Variants in NCOA1 observed in about 807,000 individuals in gnomAD.
NCOA1 encodes nuclear receptor coactivator 1.
Under a neutral mutation model 150.9 loss-of-function variants are expected in NCOA1, and 35 were observed. The observed-to-expected ratio is 0.23, with a 90% CI of 0.18 to 0.31. The LOEUF is 0.31. Among genes scored for constraint, NCOA1 ranks in the 10% least tolerant of loss-of-function variants. NCOA1 has a pLI of 1.00. For synonymous variants in NCOA1, 590 were observed against 630.0 expected, an observed-to-expected ratio of 0.94 and a Z score of 0.95; for missense variants, 1,491 against 1,749.3, an observed-to-expected ratio of 0.85 and a Z score of 2.63.
intron 4 of NCOA1, among the ~76,000 whole-genome samples, chr2:24,649,117 A>G (rs1355652181): frequency 6.6e-6 from 1 of 152,096 alleles, no homozygotes; most frequent in Non-Finnish European, 1.5e-5. Context: ...TTAAAAAGAG[A>G]CATAGTCTGT....
At chr2:24,627,493 A>G (rs1572510693) in intron 3 of NCOA1, among the ~76,000 whole-genome samples, 1 of 152,234 alleles carries the variant, frequency 6.6e-6, no homozygotes, top group Admixed American at 6.5e-5. Context: ...GTGGTAGAGT[A>G]GATAGAACCT....
chr2:24,748,836 T>C (rs1664074132), intron 19 of NCOA1, among the ~76,000 whole-genome samples: 1 of 152,152 alleles, frequency 6.6e-6, no homozygotes, highest in Admixed American at 6.5e-5. Flanking sequence ...CAAAGTGACA[T>C]CAAGGACATA....
intron 14 of NCOA1, among the ~76,000 whole-genome samples, chr2:24,723,462 G>A (rs1674457425): frequency 6.6e-6 from 1 of 152,140 alleles, no homozygotes; most frequent in Non-Finnish European, 1.5e-5. Context: ...GAATAGAATT[G>A]CTGGGTCAAA....
chr2:24,565,690 G>T (rs1666471974), intron 2 of NCOA1, among the ~76,000 whole-genome samples: 1 of 152,326 alleles, frequency 6.6e-6, no homozygotes, highest in East Asian at 1.9e-4. Flanking sequence ...CACACTACTG[G>T]CCTGGATCCC....
At chr2:24,621,252 C>T (rs1007379370) in intron 3 of NCOA1, among the ~76,000 whole-genome samples, 1 of 152,078 alleles carries the variant, frequency 6.6e-6, no homozygotes, top group Non-Finnish European at 1.5e-5. Flanking sequence ...AGTAACGGCA[C>T]TTCAGTCCTC....
intron 1 of NCOA1, among the ~76,000 whole-genome samples, chr2:24,537,691 T>G (rs1665218287): frequency 6.6e-6 from 1 of 152,098 alleles, no homozygotes; most frequent in African/African-American, 2.4e-5. Context: ...TTAATAAAGT[T>G]GTATTATGTT....
At position 24,769,582 on chromosome 2, in the gene NCOA1, A is replaced by C; in HGVS notation, c.*1191A>C. ...CTACTTGTACAGAGAAAAAATTAAT[A>C]CTCAAAGGAAATCTTCATTTTTTAG... On this transcript the variant is annotated 3_prime_UTR_variant, in exon 23 of 23. Transcript: ENST00000348332. The C allele has an allele frequency of 4.9e-6, 1 of 203,582 alleles. No individual in the cohort carries two copies. Among genetic ancestry groups the C allele is most frequent in the East Asian group, 7.6e-5 (1 of 13,158 alleles). 12.6% of individuals were successfully genotyped at this position (203,582 alleles called of 1,614,324 possible). A position where few individuals can be genotyped will look rare whatever the true frequency, so the allele number is the denominator to read the frequency against.
intron 3 of NCOA1, among the ~76,000 whole-genome samples, chr2:24,624,140 G>C (rs978188078): frequency 2.0e-5 from 3 of 152,110 alleles, no homozygotes; most frequent in Admixed American, 6.5e-5. Context: ...TGTATTCTTG[G>C]TTATTTTCTT....
At chr2:24,747,553 T>A (rs576467796) in intron 19 of NCOA1, among the ~76,000 whole-genome samples, 2 of 152,132 alleles carry the variant, frequency 1.3e-5, no homozygotes, top group Admixed American at 1.3e-4. Context: ...GGTCTCAAAC[T>A]CCTGGCCTTA....
At chr2:24,626,515 G>T (rs1669416763) in intron 3 of NCOA1, among the ~76,000 whole-genome samples, 1 of 152,214 alleles carries the variant, frequency 6.6e-6, no homozygotes, top group East Asian at 1.9e-4. Flanking sequence ...GACTGAAGCA[G>T]TTCTAAGAAC....
intron 6 of NCOA1, among the ~76,000 whole-genome samples, chr2:24,668,014 G>A (rs1006669506): frequency 1.7e-4 from 26 of 152,142 alleles, no homozygotes; most frequent in Admixed American, 8.5e-4. Flanking sequence ...GAGGGCAAGC[G>A]ATTTTGTTTG....
intron 3 of NCOA1, among the ~76,000 whole-genome samples, chr2:24,600,156 A>G (rs1405391418): frequency 6.6e-6 from 1 of 152,098 alleles, no homozygotes; most frequent in Non-Finnish European, 1.5e-5. Context: ...GAAGTTCGTC[A>G]AAGTATTGGG....
At chr2:24,691,271 A>T (rs1672657046) in intron 8 of NCOA1, among the ~76,000 whole-genome samples, 1 of 152,220 alleles carries the variant, frequency 6.6e-6, no homozygotes, top group African/African-American at 2.4e-5. Flanking sequence ...TTTCTTGGAA[A>T]TGTTACAGTT....
chr2:24,533,236 T>G (rs770732958), intron 1 of NCOA1, among the ~76,000 whole-genome samples: 3 of 152,226 alleles, frequency 2.0e-5, no homozygotes, highest in Non-Finnish European at 4.4e-5. Flanking sequence ...AGTTCACTCA[T>G]GATTTGGCTC....
chr2:24,740,130 GT>G (rs1391662970), intron 18 of NCOA1, among the ~76,000 whole-genome samples: 2 of 152,048 alleles, frequency 1.3e-5, no homozygotes, highest in Non-Finnish European at 2.9e-5. Context: ...CAAAGTTGAT[GT>G]AAAAATCTTG....
At chr2:24,723,496 T>C (rs972518343) in intron 14 of NCOA1, among the ~76,000 whole-genome samples, 1 of 152,222 alleles carries the variant, frequency 6.6e-6, no homozygotes, top group African/African-American at 2.4e-5. Flanking sequence ...CAAATAGTCC[T>C]TTCCAGCAGT....
rs748359684 is a variant in NCOA1, at chr2:24,691,707, T to C, written c.712+47T>C. 3.2e-6 allele frequency: 5 copies of C among 1,571,524 alleles called. No individual in the cohort carries two copies. The South Asian group carries it at 3.5e-5, about 11-fold the overall frequency. On this transcript the variant is annotated intron_variant, in intron 9 of 22. Transcript: ENST00000348332. ...AAAGTGTTTATTTCTTCTGTGACTTTAAGGAAAAGAGAGGAAATTAATTAT... is the reference window on the plus strand; with the variant it reads ...AAAGTGTTTATTTCTTCTGTGACTTCAAGGAAAAGAGAGGAAATTAATTAT...
rs556653975 is a variant in NCOA1 at position 24,563,876 on chromosome 2, C to A, written c.-395-419C>A. Reference sequence around the variant, plus strand: ...CAGTGGCCTAGGACGGAATAATAGCCATGATATCAGGTGCTTCTTTATTAC... The same window carrying A: ...CAGTGGCCTAGGACGGAATAATAGCAATGATATCAGGTGCTTCTTTATTAC... On this transcript the variant is annotated intron_variant, in intron 1 of 22. Transcript: ENST00000348332. Among the ~76,000 whole-genome samples the A allele has an allele frequency of 2.6e-5, 4 of 152,262 alleles. No individual in the cohort carries two copies. The South Asian group carries it at 8.3e-4, about 32-fold the overall frequency.
intron 8 of NCOA1, among the ~76,000 whole-genome samples, chr2:24,685,530 A>T (rs1184478260): frequency 6.6e-6 from 1 of 152,238 alleles, no homozygotes; most frequent in African/African-American, 2.4e-5. Context: ...GTCGTTATAA[A>T]TTCATACCAT....
Sources: gnomAD v4.1 joint callset for allele counts (sites outside exome capture counted in the v4.1 genomes callset) on GRCh38, gnomAD v4.1.1 for gene constraint, MANE v1.5 for transcripts, NCBI Gene and HGNC (gene_info 2026-07-23, HGNC 2026-07-21) for gene names.